Variants in RAP1A observed in about 807,000 individuals in gnomAD.
RAP1A encodes ras-related protein Rap-1A.
In RAP1A, 6 loss-of-function variants were observed where a neutral mutation model predicts 26.4. The observed-to-expected ratio is 0.23, with a 90% CI of 0.12 to 0.45. The LOEUF is 0.45. Ranked by LOEUF, RAP1A falls within the 20% of genes least tolerant of loss-of-function variation. The probability of loss-of-function intolerance (pLI) is 0.99; values close to 1 mark genes in which losing one functional copy is unlikely to be tolerated. For missense variants in RAP1A, 121 were observed against 217.2 expected (o/e 0.56, Z 2.78); for synonymous variants, 73 against 79.4 (o/e 0.92, Z 0.43).
chr1:111,576,156 A>T (rs930317806), intron 1 of RAP1A, among the ~76,000 whole-genome samples: 3 of 152,158 alleles, frequency 2.0e-5, no homozygotes, highest in Non-Finnish European at 4.4e-5. Context: ...TAAAATGCAA[A>T]TTCTGGTTCA....
chr1:111,707,814 G>C (rs555196806), intron 6 of RAP1A, among the ~76,000 whole-genome samples: 1 of 152,162 alleles, frequency 6.6e-6, no homozygotes, highest in Non-Finnish European at 1.5e-5. Flanking sequence ...GAGATAAGTA[G>C]CATTGTATTT....
intron 1 of RAP1A, among the ~76,000 whole-genome samples, chr1:111,641,361 A>G (rs1659885924): frequency 6.6e-6 from 1 of 152,134 alleles, no homozygotes. Context: ...GAGAGAACGT[A>G]TAGTGTGGTG....
At chr1:111,702,568 C>CT (rs761741419) in intron 4 of RAP1A, among the ~76,000 whole-genome samples, 392 of 143,568 alleles carry the variant, frequency 2.7e-3, no homozygotes, top group East Asian at 0.013. Context: ...TGAACAAGCT[C>CT]TTTTTTTTTT....
intron 1 of RAP1A, among the ~76,000 whole-genome samples, chr1:111,548,984 A>G (rs1360157091): frequency 1.3e-5 from 2 of 152,222 alleles, no homozygotes; most frequent in Non-Finnish European, 1.5e-5. Flanking sequence ...AGTGCAAAAA[A>G]TTGAAATCCA....
intron 1 of RAP1A, among the ~76,000 whole-genome samples, chr1:111,578,916 T>C (rs1398298973): frequency 6.6e-6 from 1 of 152,206 alleles, no homozygotes; most frequent in African/African-American, 2.4e-5. Context: ...GGATGGCTCA[T>C]GGAATTCAGG....
intron 1 of RAP1A, chr1:111,600,178 T>A (rs1264189969): frequency 6.6e-6 from 1 of 152,230 alleles, no homozygotes; most frequent in African/African-American, 2.4e-5. Context: ...AAGAACAGAC[T>A]AACACAAAGA....
intron 1 of RAP1A, among the ~76,000 whole-genome samples, chr1:111,633,482 T>C (rs755423223): frequency 1.6e-4 from 24 of 152,244 alleles, no homozygotes; most frequent in Non-Finnish European, 5.9e-5. Flanking sequence ...GAGAATCTTA[T>C]AATCAGACAC....
chr1:111,627,142 GA>G (rs1177843543), intron 1 of RAP1A, among the ~76,000 whole-genome samples: 1 of 151,094 alleles, frequency 6.6e-6, no homozygotes, highest in African/African-American at 2.4e-5. Context: ...GGCAAATTTT[GA>G]AAAAAATGTT....
chr1:111,598,939 T>C (rs1424024792), intron 1 of RAP1A, among the ~76,000 whole-genome samples: 4 of 152,160 alleles, frequency 2.6e-5, no homozygotes, highest in South Asian at 2.1e-4. Context: ...TTGAAGTCCA[T>C]TGATTTGCTA....
At chr1:111,550,815 C>A (rs1657226987) in intron 1 of RAP1A, among the ~76,000 whole-genome samples, 1 of 152,108 alleles carries the variant, frequency 6.6e-6, no homozygotes, top group Non-Finnish European at 1.5e-5. Flanking sequence ...TTAATGTGGT[C>A]AGAGAACATA....
chr1:111,657,544 A>G (rs1160768975), intron 1 of RAP1A, among the ~76,000 whole-genome samples: 1 of 152,060 alleles, frequency 6.6e-6, no homozygotes, highest in East Asian at 1.9e-4. Context: ...ATCCATTGTC[A>G]TGTATCTTTC....
intron 1 of RAP1A, among the ~76,000 whole-genome samples, chr1:111,674,857 A>G (rs1661076176): frequency 6.6e-6 from 1 of 152,174 alleles, no homozygotes; most frequent in Non-Finnish European, 1.5e-5. Flanking sequence ...GAGTTACTGC[A>G]GTAGCTTCCT....
intron 1 of RAP1A, among the ~76,000 whole-genome samples, chr1:111,643,538 TC>T (rs1387338149): frequency 2.0e-5 from 3 of 152,218 alleles, no homozygotes; most frequent in African/African-American, 7.2e-5. Context: ...GTGAACTCTC[TC>T]CTCCTCAAAC....
intron 4 of RAP1A, among the ~76,000 whole-genome samples, chr1:111,700,991 G>C (rs550377175): frequency 6.6e-6 from 1 of 152,198 alleles, no homozygotes; most frequent in African/African-American, 2.4e-5. Context: ...TGATCTCCCT[G>C]CTTCTCTTCT....
At chr1:111,666,190 A>G (rs565279400) in intron 1 of RAP1A, among the ~76,000 whole-genome samples, 1 of 152,238 alleles carries the variant, frequency 6.6e-6, no homozygotes, top group Non-Finnish European at 1.5e-5. Context: ...GCCTCATGAC[A>G]TGAAAATTCA....
chr1:111,546,138 G>A (rs928136018), intron 1 of RAP1A, among the ~76,000 whole-genome samples: 4 of 152,138 alleles, frequency 2.6e-5, no homozygotes, highest in African/African-American at 9.6e-5. Flanking sequence ...GGATCTGCTT[G>A]TCCATTTCTG....
intron 1 of RAP1A, among the ~76,000 whole-genome samples, chr1:111,610,533 AACACACACACAC>A (rs71099922): frequency 0.1 from 14,744 of 141,850 alleles, 2,225 homozygotes; most frequent in African/African-American, 0.34. Context: ...CCCTCCACCC[AACACACACACAC>A]ACACACACAC....
intron 1 of RAP1A, among the ~76,000 whole-genome samples, chr1:111,603,374 T>G (rs1218947958): frequency 6.6e-6 from 1 of 152,140 alleles, no homozygotes; most frequent in African/African-American, 2.4e-5. Flanking sequence ...TTGCCACCTA[T>G]CGCCCAACCT....
chr1:111,704,325 G>GT lies in RAP1A; in HGVS notation c.325-11dup. On this transcript the variant is annotated splice_polypyrimidine_tract_variant and intron_variant, in intron 5 of 7. Transcript: ENST00000369709. ...ATGAGTATGTTATTGTTCATTTTACGTTTTTTTCTTCCCACAGGTTCCAAT... is the reference window on the plus strand; with the variant it reads ...ATGAGTATGTTATTGTTCATTTTACGTTTTTTTTCTTCCCACAGGTTCCAAT... 5 of 1,610,776 alleles carry GT rather than the reference G, an allele frequency of 3.1e-6. No homozygotes were observed. Among genetic ancestry groups the GT allele is most frequent in the Non-Finnish European group, 3.4e-6 (4 of 1,178,198 alleles).
Sources: allele counts gnomAD v4.1 joint callset (sites outside exome capture counted in the v4.1 genomes callset), GRCh38; gene constraint gnomAD v4.1.1; transcripts MANE v1.5; gene names NCBI Gene and HGNC (gene_info 2026-07-23, HGNC 2026-07-21).